CLN8: variants seen among roughly 807,000 people sequenced by gnomAD.
The protein encoded by CLN8 is CLN8 transmembrane ER and ERGIC protein, also known as protein CLN8.
In CLN8, 14 loss-of-function variants were observed where a neutral mutation model predicts 15.7. That is an observed-to-expected ratio of 0.89 (90% CI 0.59 to 1.39). CLN8 has a LOEUF of 1.39. CLN8 is among the 40% of genes most tolerant of loss of function. The probability of loss-of-function intolerance (pLI) is 0.00; values close to 1 mark genes in which losing one functional copy is unlikely to be tolerated. For missense variants in CLN8, 415 were observed against 364.0 expected (o/e 1.14, Z -1.14); for synonymous variants, 188 against 151.0 (o/e 1.25, Z -1.80).
chr8:1,769,410 A>T (rs773574779), intron 1 of CLN8, among the ~76,000 whole-genome samples: 1 of 152,074 alleles, frequency 6.6e-6, no homozygotes. Context: ...CTGTCTCACA[A>T]TTGAGTCAAT....
At position 1,780,564 on chromosome 8, in the gene CLN8, A is replaced by G. The variant is rs764673534; in HGVS notation, c.858A>G (p.Pro286=). The change falls in exon 3 of 3, where the codon CCA becomes CCG. Residue 286 remains proline, a synonymous_variant. Transcript: ENST00000331222. ...GGCAGCTGCTGCGGAAGAAGAGGCC[A>G]TAGCTGCTCCAGCCGGGGCTCCGGG... ...GNGQLLRKKR[P] 12 of 1,612,822 alleles carry G rather than the reference A, an allele frequency of 7.4e-6. No individual in the cohort carries two copies. The East Asian group carries it at 2.7e-4, about 36-fold the overall frequency.
At chr8:1,768,814 C>T (rs191825060) in intron 1 of CLN8, among the ~76,000 whole-genome samples, 109 of 152,312 alleles carry the variant, frequency 7.2e-4, no homozygotes, top group South Asian at 2.1e-3. Flanking sequence ...GCCGAGTGCT[C>T]TTGCCAGCCC....
intron 2 of CLN8, among the ~76,000 whole-genome samples, chr8:1,776,123 CTG>C (rs2129013750): frequency 6.6e-6 from 1 of 152,256 alleles, no homozygotes; most frequent in South Asian, 2.1e-4. Context: ...AAGCTGGAAT[CTG>C]TGAGGGGCAC....
At chr8:1,768,352 G>T (rs1271871387) in intron 1 of CLN8, among the ~76,000 whole-genome samples, 5 of 152,132 alleles carry the variant, frequency 3.3e-5, no homozygotes, top group Non-Finnish European at 7.3e-5. Context: ...CTCTCACCTT[G>T]ACCAAACCAA....
upstream of CLN8, chr8:1,760,377 G>A (rs1167995493): frequency 2.0e-5 from 3 of 152,188 alleles, no homozygotes; most frequent in African/African-American, 4.8e-5. Context: ...GGAGTACACA[G>A]GCTGTAAACA....
At chr8:1,762,574 C>G (rs930691611), upstream of CLN8, 5 of 152,166 alleles carry the variant, frequency 3.3e-5, no homozygotes, top group Admixed American at 2.0e-4. Context: ...CCTAAATGAG[C>G]CAGCAGAAAA....
chr8:1,772,433 C>T (rs1443460371), intron 2 of CLN8, among the ~76,000 whole-genome samples: 1 of 152,106 alleles, frequency 6.6e-6, no homozygotes, highest in African/African-American at 2.4e-5. Flanking sequence ...ATATTGATGT[C>T]AAAATGTTCT....
upstream of CLN8, chr8:1,760,097 C>G (rs35434847): frequency 1.3e-5 from 2 of 152,188 alleles, no homozygotes; most frequent in African/African-American, 4.8e-5. Flanking sequence ...CTCCAGACAC[C>G]TCATGGCATC....
chr8:1,765,047 A>T (rs2130967715), intron 1 of CLN8: 1 of 152,346 alleles, frequency 6.6e-6, no homozygotes, highest in African/African-American at 2.4e-5. Flanking sequence ...GAGCTTGAAC[A>T]CTTCTGTGCC....
At chr8:1,778,536 C>G (rs1801601030) in intron 2 of CLN8, among the ~76,000 whole-genome samples, 1 of 152,206 alleles carries the variant, frequency 6.6e-6, no homozygotes, top group African/African-American at 2.4e-5. Flanking sequence ...TGCGGTGAAG[C>G]ATGTGGTCCT....
At chr8:1,759,878 A>G (rs4639549), upstream of CLN8, 106,533 of 152,100 alleles carry the variant, frequency 0.7, 37,468 homozygotes, top group South Asian at 0.77. Flanking sequence ...CCTCTCGCTC[A>G]TTATACATCC....
intron 1 of CLN8, among the ~76,000 whole-genome samples, chr8:1,765,777 G>A (rs931207637): frequency 6.6e-6 from 1 of 152,198 alleles, no homozygotes; most frequent in Admixed American, 6.5e-5. Flanking sequence ...CTTCTTGATG[G>A]AAAGGAGAAT....
At chr8:1,779,227 G>A (rs1801627671) in intron 2 of CLN8, among the ~76,000 whole-genome samples, 1 of 152,182 alleles carries the variant, frequency 6.6e-6, no homozygotes, top group South Asian at 2.1e-4. Context: ...AACACCAGAA[G>A]AACGTGTTAG....
Position 1,781,518 on chromosome 8 carries a change from A to C in CLN8, c.*951A>C, listed in dbSNP as rs1036502647. 3 of 152,146 alleles carry C rather than the reference A, an allele frequency of 2.0e-5. No homozygotes were observed. The highest frequency in any genetic ancestry group is 2.0e-4 in the Admixed American group (3 of 15,264). 9.4% of individuals were successfully genotyped at this position (152,146 alleles called of 1,614,324 possible). A position where few individuals can be genotyped will look rare whatever the true frequency, so the allele number is the denominator to read the frequency against. On this transcript the variant is annotated 3_prime_UTR_variant, in exon 3 of 3. Transcript: ENST00000331222. ...CCACCAACCAGAGCGTGGGCTGGTA[A>C]AGATGAAATCTTGCAAGTTTTTTTT...
Position 1,776,053 on chromosome 8 carries a change from G to C in CLN8, c.544-4197G>C, listed in dbSNP as rs535391194. Among the ~76,000 whole-genome samples, 16 of 152,100 alleles carry C rather than the reference G, an allele frequency of 1.1e-4. No homozygotes were observed. The South Asian group carries it at 3.1e-3, about 30-fold the overall frequency. On this transcript the variant is annotated intron_variant, in intron 2 of 2. Coordinates refer to ENST00000331222, the MANE Select transcript of CLN8 (RefSeq NM_018941.4). Reference sequence around the variant, plus strand: ...CACGATAGAAGATTCTGCAAGCTGAGTCTGTGAGGGGCACACGTGGGTGGT... The same window carrying C: ...CACGATAGAAGATTCTGCAAGCTGACTCTGTGAGGGGCACACGTGGGTGGT...
chr8:1,779,333 C>G (rs1369692974), intron 2 of CLN8, among the ~76,000 whole-genome samples: 1 of 152,178 alleles, frequency 6.6e-6, no homozygotes, highest in African/African-American at 2.4e-5. Context: ...GTCTCTGCCT[C>G]CCAGGTTCAA....
chr8:1,782,891 T>A lies in CLN8; in HGVS notation c.*2324T>A, dbSNP rs1170030765. 2 of 152,200 alleles carry A rather than the reference T, an allele frequency of 1.3e-5. No homozygotes were observed. Among genetic ancestry groups the A allele is most frequent in the African/African-American group, 4.8e-5 (2 of 41,440 alleles). The allele number at this position is 152,200 out of a possible 1,614,324, so 9.4% of individuals were successfully genotyped here. A position where few individuals can be genotyped will look rare whatever the true frequency, so the allele number is the denominator to read the frequency against. ...CCTTCCCAGGGGTCCACACTTTACC[T>A]CCTGTATCTTCATACGCGTGTGTGG... On this transcript the variant is annotated 3_prime_UTR_variant, in exon 3 of 3. Transcript: ENST00000331222.
At chr8:1,774,356 A>T (rs1801430556) in intron 2 of CLN8, among the ~76,000 whole-genome samples, 1 of 152,252 alleles carries the variant, frequency 6.6e-6, no homozygotes, top group Non-Finnish European at 1.5e-5. Flanking sequence ...AACCTAAATT[A>T]ATATAGCTCA....
At position 1,774,901 on chromosome 8, in the gene CLN8, C is replaced by T. The variant is rs189287144; in HGVS notation, c.543+3304C>T. Among the ~76,000 whole-genome samples the T allele has an allele frequency of 2.6e-5, 4 of 152,240 alleles. No individual in the cohort carries two copies. In the East Asian group the frequency reaches 7.7e-4, roughly 29 times the overall value. On this transcript the variant is annotated intron_variant, in intron 2 of 2. Coordinates refer to ENST00000331222, the MANE Select transcript of CLN8 (RefSeq NM_018941.4). ...AATTGGGAGGCTAAGGTGGGAGGAT[C>T]GCCTGGGAGTTCAAGGTTACAGTGA...
Sources: allele counts gnomAD v4.1 joint callset (sites outside exome capture counted in the v4.1 genomes callset), GRCh38; gene constraint gnomAD v4.1.1; transcripts MANE v1.5; gene names NCBI Gene and HGNC (gene_info 2026-07-23, HGNC 2026-07-21).